Variants in ADCY1 observed in about 807,000 individuals in gnomAD.
The protein encoded by ADCY1 is adenylate cyclase 1.
A neutral mutation model predicts 105.4 loss-of-function variants in ADCY1; 28 were observed. That is an observed-to-expected ratio of 0.27 (90% CI 0.20 to 0.36). The LOEUF (loss-of-function observed/expected upper bound fraction) is 0.36. ADCY1 is among the 10% of genes least tolerant of loss of function. ADCY1 has a pLI of 1.00. For synonymous variants in ADCY1, 655 were observed against 623.8 expected (o/e 1.05, Z -0.75); for missense variants, 977 against 1,434.2 (o/e 0.68, Z 5.15).
chr7:45,601,868 C>T (rs1239217584), intron 2 of ADCY1, among the ~76,000 whole-genome samples: 3 of 152,094 alleles, frequency 2.0e-5, no homozygotes, highest in Non-Finnish European at 4.4e-5. Context: ...TGAAACCCTC[C>T]AGCAGTGTGG....
intron 2 of ADCY1, among the ~76,000 whole-genome samples, chr7:45,602,617 T>C (rs1168969830): frequency 6.6e-6 from 1 of 152,212 alleles, no homozygotes; most frequent in Non-Finnish European, 1.5e-5. Flanking sequence ...TGATGCAGTA[T>C]GGATTTTTAA....
chr7:45,587,038 G>A (rs935902791), intron 1 of ADCY1, among the ~76,000 whole-genome samples: 11 of 152,376 alleles, frequency 7.2e-5, no homozygotes, highest in African/African-American at 2.6e-4. Flanking sequence ...CTGAGAGACT[G>A]TGCTGGGGCA....
intron 4 of ADCY1, among the ~76,000 whole-genome samples, chr7:45,631,280 T>C (rs1400695465): frequency 6.6e-6 from 1 of 152,256 alleles, no homozygotes; most frequent in Middle Eastern, 3.2e-3. Flanking sequence ...ATGCTAGAAA[T>C]TGTCCATTTA....
At chr7:45,669,522 C>G (rs1784324833) in intron 8 of ADCY1, among the ~76,000 whole-genome samples, 1 of 152,158 alleles carries the variant, frequency 6.6e-6, no homozygotes, top group Admixed American at 6.5e-5. Flanking sequence ...AGTTCTTTTA[C>G]ATTTGCTGAG....
chr7:45,618,997 G>A (rs1229307524), intron 3 of ADCY1, among the ~76,000 whole-genome samples: 1 of 152,184 alleles, frequency 6.6e-6, no homozygotes, highest in Non-Finnish European at 1.5e-5. Flanking sequence ...TAGAGAGAAT[G>A]TGGTATATTT....
chr7:45,616,017 T>C (rs1793728379), intron 3 of ADCY1, among the ~76,000 whole-genome samples: 1 of 152,058 alleles, frequency 6.6e-6, no homozygotes, highest in Non-Finnish European at 1.5e-5. Context: ...ATATTATAAC[T>C]GAGGCCACAA....
intron 8 of ADCY1, among the ~76,000 whole-genome samples, chr7:45,669,843 A>G (rs914835452): frequency 9.2e-5 from 14 of 152,152 alleles, no homozygotes; most frequent in Non-Finnish European, 2.1e-4. Flanking sequence ...TTTTTGATCT[A>G]CAATAGTATG....
chr7:45,585,090 A>G (rs955365045), intron 1 of ADCY1, among the ~76,000 whole-genome samples: 1 of 152,234 alleles, frequency 6.6e-6, no homozygotes, highest in Non-Finnish European at 1.5e-5. Flanking sequence ...AGAAGTCATG[A>G]GTGCCTTTGC....
intron 3 of ADCY1, among the ~76,000 whole-genome samples, chr7:45,620,625 G>A (rs952980364): frequency 2.0e-5 from 3 of 152,178 alleles, no homozygotes; most frequent in African/African-American, 7.2e-5. Context: ...GACCCACACT[G>A]AGACATGTCA....
At position 45,575,125 on chromosome 7, in the gene ADCY1, G is replaced by A; in HGVS notation, c.582G>A (p.Ser194=). 6.2e-7 allele frequency: 1 copy of A among 1,611,728 alleles called. No individual in the cohort carries two copies. The highest frequency in any genetic ancestry group is 8.5e-7 in the Non-Finnish European group (1 of 1,179,650). ...GCTTTGGGCTCGTGGTGGCTGCGTCGCACTTGCTGGTCACAGCCACCTTGG... is the reference window on the plus strand; with the variant it reads ...GCTTTGGGCTCGTGGTGGCTGCGTCACACTTGCTGGTCACAGCCACCTTGG... ...AIGFGLVVAA[S]HLLVTATLVP... The change falls in exon 1 of 20, where the codon TCG becomes TCA. Residue 194 remains serine (S), a synonymous_variant. Transcript: ENST00000297323. The surrounding 1 kb of genome is among the most constrained non-coding windows in gnomAD (Gnocchi z 4.7).
chr7:45,581,003 A>G (rs1259761226), intron 1 of ADCY1, among the ~76,000 whole-genome samples: 1 of 152,138 alleles, frequency 6.6e-6, no homozygotes, highest in African/African-American at 2.4e-5. Context: ...GTTCCTGCAG[A>G]TGCCCAGAAA....
intron 11 of ADCY1, among the ~76,000 whole-genome samples, chr7:45,681,329 T>G (rs1040795825): frequency 2.8e-4 from 42 of 152,248 alleles, no homozygotes; most frequent in Middle Eastern, 3.4e-3. Flanking sequence ...CCATGAAGCT[T>G]CTTCTGTATT....
chr7:45,587,278 A>T (rs1024485070), intron 1 of ADCY1, among the ~76,000 whole-genome samples: 1 of 152,150 alleles, frequency 6.6e-6, no homozygotes, highest in Non-Finnish European at 1.5e-5. Context: ...GCTTCCATGT[A>T]TGTGCATGGC....
intron 16 of ADCY1, 131 bp from the exon 17 acceptor site, chr7:45,704,387 C>G: frequency 2.7e-6 from 2 of 733,294 alleles, no homozygotes; most frequent in Admixed American, 4.7e-5. Flanking sequence ...ACTTGTCTGC[C>G]CAAAGCAAAG....
chr7:45,596,356 A>G (rs897904298), intron 2 of ADCY1, among the ~76,000 whole-genome samples: 2 of 145,000 alleles, frequency 1.4e-5, no homozygotes, highest in Non-Finnish European at 3.0e-5. Flanking sequence ...GAGAGGGGAT[A>G]TGGGGGGATG....
At chr7:45,691,095 A>G (rs1784778501) in intron 14 of ADCY1, among the ~76,000 whole-genome samples, 1 of 152,164 alleles carries the variant, frequency 6.6e-6, no homozygotes, top group Non-Finnish European at 1.5e-5. Flanking sequence ...CTGGGTTGAC[A>G]TGGCTTTTTC....
intron 4 of ADCY1, among the ~76,000 whole-genome samples, chr7:45,630,207 G>T (rs1036934390): frequency 1.3e-5 from 2 of 152,008 alleles, no homozygotes; most frequent in African/African-American, 4.8e-5. Flanking sequence ...TGAGACTTTG[G>T]CTTGTTTGTT....
intron 8 of ADCY1, among the ~76,000 whole-genome samples, chr7:45,665,713 T>C: frequency 6.6e-6 from 1 of 152,202 alleles, no homozygotes; most frequent in Non-Finnish European, 1.5e-5. Context: ...CTTCCACACC[T>C]TTTCACTAGG....
In ADCY1 at chr7:45,575,078, G is replaced by C; in HGVS notation, c.535G>C (p.Val179Leu). 2 of 1,612,758 alleles carry C rather than the reference G, an allele frequency of 1.2e-6. No individual in the cohort carries two copies. Among genetic ancestry groups the C allele is most frequent in the Non-Finnish European group, 1.7e-6 (2 of 1,179,914 alleles). The change falls in exon 1 of 20, where the codon GTG becomes CTG. Residue 179 changes from valine to leucine, a missense_variant. This residue lies in a region of ADCY1 where 196 missense variants were observed against 347.8 expected (regional missense o/e 0.56). Coordinates refer to ENST00000297323, the MANE Select transcript of ADCY1 (RefSeq NM_021116.4). This position sits in a 1 kb window ranked among gnomAD's most constrained non-coding sequence, Gnocchi z 4.7. ...CTTCGTGTCCTATGCCTTGCTGCCC[G>C]TGCGCAGCCTGCTGGCCATAGGCTT... The part of the protein sequence containing the change: ...VTFVSYALLP[V>L]RSLLAIGFGL...
Sources: gnomAD v4.1 joint callset for allele counts (sites outside exome capture counted in the v4.1 genomes callset) on GRCh38, gnomAD v4.1.1 for gene constraint, gnomAD v4.1.1 regional missense constraint, Gnocchi (gnomAD v3.1) non-coding constraint, MANE v1.5 for transcripts, NCBI Gene and HGNC (gene_info 2026-07-23, HGNC 2026-07-21) for gene names.